NCAM2: variants seen among roughly 807,000 people sequenced by gnomAD.
The protein encoded by NCAM2 is N-CAM-2.
Under a neutral mutation model 98.1 loss-of-function variants are expected in NCAM2, and 30 were observed. The observed-to-expected ratio is 0.31, with a 90% confidence interval of 0.23 to 0.41. The LOEUF (loss-of-function observed/expected upper bound fraction) is 0.41. NCAM2 is among the 10% of genes least tolerant of loss of function. The probability of loss-of-function intolerance (pLI) is 1.00; values close to 1 mark genes in which losing one functional copy is unlikely to be tolerated. For missense variants in NCAM2, 867 were observed against 1,005.8 expected (o/e 0.86, Z 1.87); for synonymous variants, 368 against 342.4 (o/e 1.07, Z -0.83).
At chr21:21,434,453 T>C (rs2077425060) in intron 12 of NCAM2, among the ~76,000 whole-genome samples, 1 of 152,238 alleles carries the variant, frequency 6.6e-6, no homozygotes, top group East Asian at 1.9e-4. Context: ...TACTTTTTTC[T>C]GTTTCCATTG....
intron 1 of NCAM2, among the ~76,000 whole-genome samples, chr21:21,214,901 G>C (rs1039334692): frequency 3.3e-5 from 5 of 151,034 alleles, no homozygotes; most frequent in African/African-American, 1.2e-4. Context: ...AGGAAATTAG[G>C]ATTGTCTTAT....
chr21:21,429,554 A>G (rs1471651614), intron 11 of NCAM2, among the ~76,000 whole-genome samples: 1 of 152,142 alleles, frequency 6.6e-6, no homozygotes, highest in African/African-American at 2.4e-5. Context: ...ATCCGTGTGC[A>G]TTTGTTTGCC....
chr21:21,386,852 C>T (rs1257878259), intron 9 of NCAM2, among the ~76,000 whole-genome samples: 2 of 152,014 alleles, frequency 1.3e-5, no homozygotes, highest in Non-Finnish European at 2.9e-5. Flanking sequence ...TAAATAAAAA[C>T]ATATTTTGTA....
chr21:21,088,977 A>C (rs1002735101), intron 1 of NCAM2, among the ~76,000 whole-genome samples: 1 of 152,020 alleles, frequency 6.6e-6, no homozygotes, highest in Admixed American at 6.5e-5. Context: ...TCTCAAAAAA[A>C]AAAAAGAAGA....
chr21:21,148,732 C>T (rs992017388), intron 1 of NCAM2, among the ~76,000 whole-genome samples: 3 of 151,924 alleles, frequency 2.0e-5, no homozygotes, highest in Non-Finnish European at 4.4e-5. Context: ...CCTTAGATTT[C>T]CCAGTATATT....
chr21:21,425,040 CAAA>C (rs1192128472), intron 11 of NCAM2, among the ~76,000 whole-genome samples: 573 of 43,780 alleles, frequency 0.013, 4 homozygotes, highest in African/African-American at 0.042. Flanking sequence ...CTTCCTCCTC[CAAA>C]AAAAAAAAAA....
intron 15 of NCAM2, among the ~76,000 whole-genome samples, chr21:21,503,396 G>T (rs201781868): frequency 2.6e-5 from 4 of 151,852 alleles, no homozygotes; most frequent in African/African-American, 9.7e-5. Flanking sequence ...GGCTGAAACA[G>T]CTCCTAAGTA....
chr21:21,081,264 C>A (rs1243894679), intron 1 of NCAM2, among the ~76,000 whole-genome samples: 1 of 152,160 alleles, frequency 6.6e-6, no homozygotes, highest in Non-Finnish European at 1.5e-5. Flanking sequence ...CTGGAGCTCA[C>A]TCACCCAACT....
At chr21:21,154,008 G>C (rs1426305376) in intron 1 of NCAM2, among the ~76,000 whole-genome samples, 1 of 151,800 alleles carries the variant, frequency 6.6e-6, no homozygotes, top group Non-Finnish European at 1.5e-5. Flanking sequence ...TAGAGAATAT[G>C]TGATAAGTGA....
At chr21:21,323,759 C>T (rs901985097) in intron 5 of NCAM2, among the ~76,000 whole-genome samples, 2 of 152,146 alleles carry the variant, frequency 1.3e-5, no homozygotes, top group African/African-American at 4.8e-5. Flanking sequence ...AATCTATTTC[C>T]ATTCTCTGTA....
At chr21:21,276,683 A>G (rs191441968) in intron 1 of NCAM2, among the ~76,000 whole-genome samples, 1 of 152,126 alleles carries the variant, frequency 6.6e-6, no homozygotes, top group African/African-American at 2.4e-5. Flanking sequence ...AATTTTAGTT[A>G]TGTAGGATTT....
chr21:21,183,809 TAA>T (rs1194745464), intron 1 of NCAM2, among the ~76,000 whole-genome samples: 2 of 151,950 alleles, frequency 1.3e-5, no homozygotes, highest in African/African-American at 4.8e-5. Flanking sequence ...CCAAGAAGAC[TAA>T]GTGTCACTCC....
intron 6 of NCAM2, among the ~76,000 whole-genome samples, chr21:21,333,099 G>A (rs1448189338): frequency 6.6e-6 from 1 of 152,120 alleles, no homozygotes; most frequent in Non-Finnish European, 1.5e-5. Context: ...TTTTTTAGAC[G>A]TTGACATTTC....
chr21:21,206,061 T>C (rs1410132844), intron 1 of NCAM2, among the ~76,000 whole-genome samples: 2 of 152,150 alleles, frequency 1.3e-5, no homozygotes, highest in Non-Finnish European at 2.9e-5. Context: ...CTTAGCAACT[T>C]ATTCAATTTC....
At chr21:21,536,199 A>G (rs1186140271) in intron 17 of NCAM2, among the ~76,000 whole-genome samples, 2 of 152,056 alleles carry the variant, frequency 1.3e-5, no homozygotes, top group Non-Finnish European at 2.9e-5. Flanking sequence ...CCAGCAATGG[A>G]TATTACTAGT....
At chr21:21,372,693 G>A (rs778291659) in intron 8 of NCAM2, among the ~76,000 whole-genome samples, 4 of 151,844 alleles carry the variant, frequency 2.6e-5, no homozygotes, top group Non-Finnish European at 5.9e-5. Flanking sequence ...CAGAGCCAGT[G>A]ATGAACCTGA....
At chr21:21,202,196 T>C (rs1419568600) in intron 1 of NCAM2, among the ~76,000 whole-genome samples, 1 of 152,122 alleles carries the variant, frequency 6.6e-6, no homozygotes, top group Non-Finnish European at 1.5e-5. Flanking sequence ...TGTGACTTTG[T>C]ATAAATTAAT....
intron 1 of NCAM2, among the ~76,000 whole-genome samples, chr21:21,163,762 A>G (rs956538806): frequency 5.3e-5 from 8 of 152,214 alleles, no homozygotes; most frequent in Non-Finnish European, 1.2e-4. Flanking sequence ...AGAAATCACC[A>G]TCATCACTGC....
intron 11 of NCAM2, among the ~76,000 whole-genome samples, chr21:21,423,985 G>C (rs558096798): frequency 1.2e-4 from 19 of 152,086 alleles, no homozygotes; most frequent in Non-Finnish European, 2.6e-4. Flanking sequence ...TTTTATCTTA[G>C]CCAGACCTTT....
Sources: allele counts gnomAD v4.1 joint callset (sites outside exome capture counted in the v4.1 genomes callset), GRCh38; gene constraint gnomAD v4.1.1; transcripts MANE v1.5; gene names NCBI Gene and HGNC (gene_info 2026-07-23, HGNC 2026-07-21).